FBXL20: variants seen among roughly 807,000 people sequenced by gnomAD.
The protein encoded by FBXL20 is F-box/LRR-repeat protein 20.
Under a neutral mutation model 64.0 loss-of-function variants are expected in FBXL20, and 11 were observed. The ratio of observed to expected loss-of-function variants is 0.17; its 90% confidence interval spans 0.11 to 0.28. FBXL20 has a LOEUF of 0.28. Ranked by LOEUF, FBXL20 falls within the 10% of genes least tolerant of loss-of-function variation. The pLI, the probability that FBXL20 is intolerant of heterozygous loss-of-function variation, is 1.00. For missense variants in FBXL20, 303 were observed against 526.2 expected, an observed-to-expected ratio of 0.58 and a Z score of 4.15; for synonymous variants, 184 against 189.0, an observed-to-expected ratio of 0.97 and a Z score of 0.22.
intron 2 of FBXL20, among the ~76,000 whole-genome samples, chr17:39,321,282 T>C (rs2047353499): frequency 6.6e-6 from 1 of 150,880 alleles, no homozygotes; most frequent in South Asian, 2.1e-4. Context: ...TAAAACCCCA[T>C]CTCTACTAAA....
intron 1 of FBXL20, among the ~76,000 whole-genome samples, chr17:39,370,002 A>C (rs989759522): frequency 6.6e-6 from 1 of 152,024 alleles, no homozygotes; most frequent in Non-Finnish European, 1.5e-5. Flanking sequence ...TGGGAGGCCA[A>C]GGCAGGAGGA....
chr17:39,312,059 G>A (rs531419819), intron 2 of FBXL20, among the ~76,000 whole-genome samples: 8 of 152,208 alleles, frequency 5.3e-5, no homozygotes, highest in East Asian at 1.9e-4. Flanking sequence ...GGATTTGAAC[G>A]TTTTAGAGCA....
chr17:39,348,327 GAC>G (rs2047653965), intron 1 of FBXL20, among the ~76,000 whole-genome samples: 1 of 152,172 alleles, frequency 6.6e-6, no homozygotes, highest in Non-Finnish European at 1.5e-5. Context: ...TGGGCATGGT[GAC>G]GCACACCTGT....
rs141629069 is a variant in FBXL20, at chr17:39,265,246, A to G, written c.990+151T>C. 567 of 579,378 alleles carry G rather than the reference A, an allele frequency of 9.8e-4. 1 individual carries two copies. Among genetic ancestry groups the G allele is most frequent in the African/African-American group, 9.4e-3 (494 of 52,472 alleles). The allele number at this position is 579,378 out of a possible 1,614,324, so 35.9% of individuals were successfully genotyped here. Reference sequence around the variant, plus strand: ...TTCTTATCTGTTTCCTACTTCACTCATGTACTCCTTTGGTTCTCAGTAAGC... The same window carrying G: ...TTCTTATCTGTTTCCTACTTCACTCGTGTACTCCTTTGGTTCTCAGTAAGC... On this transcript the variant is annotated intron_variant, in intron 13 of 14. Transcript: ENST00000264658.
intron 2 of FBXL20, among the ~76,000 whole-genome samples, chr17:39,322,202 G>A (rs1480886596): frequency 6.9e-6 from 1 of 145,956 alleles, no homozygotes; most frequent in Admixed American, 7.0e-5. Context: ...CATGCCCCAT[G>A]CTTAATTTCA....
intron 2 of FBXL20, among the ~76,000 whole-genome samples, chr17:39,312,191 C>T (rs927969602): frequency 2.6e-5 from 4 of 151,922 alleles, no homozygotes; most frequent in Non-Finnish European, 4.4e-5. Flanking sequence ...CCGAGGCAGG[C>T]GGATCACAAG....
intron 2 of FBXL20, among the ~76,000 whole-genome samples, chr17:39,329,716 G>T (rs1262065287): frequency 6.6e-6 from 1 of 152,144 alleles, no homozygotes; most frequent in Non-Finnish European, 1.5e-5. Context: ...AGGGAAAAAA[G>T]GTCGGGTATG....
chr17:39,344,448 A>G (rs2047612974), intron 1 of FBXL20, among the ~76,000 whole-genome samples: 1 of 152,128 alleles, frequency 6.6e-6, no homozygotes, highest in Non-Finnish European at 1.5e-5. Context: ...AACTTGGCTC[A>G]CATTTACTTG....
intron 6 of FBXL20, among the ~76,000 whole-genome samples, chr17:39,290,695 A>G (rs1288860511): frequency 6.6e-6 from 1 of 151,722 alleles, no homozygotes; most frequent in African/African-American, 2.4e-5. Context: ...CTCCGAGTAG[A>G]TAGGAACACA....
At chr17:39,363,064 C>G (rs1023841868) in intron 1 of FBXL20, among the ~76,000 whole-genome samples, 1 of 151,752 alleles carries the variant, frequency 6.6e-6, no homozygotes, top group African/African-American at 2.4e-5. Flanking sequence ...CAATGGCACG[C>G]GATCTCAGCT....
chr17:39,371,768 C>T (rs2047920786), intron 1 of FBXL20, among the ~76,000 whole-genome samples: 1 of 151,578 alleles, frequency 6.6e-6, no homozygotes, highest in African/African-American at 2.4e-5. Flanking sequence ...TCAAGTGATT[C>T]TCATGCCTTA....
rs549400822 is a variant in FBXL20 at position 39,301,914 on chromosome 17, T to A, written c.160-839A>T. ...AAAAAACAAAAAACAAGACTAACCC[T>A]CCCTCCCCCCGCCCACGCACACTTA... On this transcript the variant is annotated intron_variant, in intron 3 of 14. Coordinates refer to ENST00000264658, the MANE Select transcript of FBXL20 (RefSeq NM_032875.3). Among the ~76,000 whole-genome samples, 294 of 71,752 alleles carry A rather than the reference T, an allele frequency of 4.1e-3. 2 individuals are homozygous for A. The highest frequency in any genetic ancestry group is 0.014 in the African/African-American group (275 of 19,070). 47.1% of individuals were successfully genotyped at this position (71,752 alleles called of 152,430 possible).
At chr17:39,351,939 C>G (rs1730531860) in intron 1 of FBXL20, among the ~76,000 whole-genome samples, 1 of 152,132 alleles carries the variant, frequency 6.6e-6, no homozygotes, top group Non-Finnish European at 1.5e-5. Context: ...AATTGTTTTT[C>G]TATAACGTAC....
At chr17:39,354,503 A>ATT (rs1284280017) in intron 1 of FBXL20, among the ~76,000 whole-genome samples, 1 of 152,232 alleles carries the variant, frequency 6.6e-6, no homozygotes, top group Non-Finnish European at 1.5e-5. Flanking sequence ...TTACCAGACT[A>ATT]TAAGCTCTGA....
chr17:39,399,329 C>T (rs949168163), intron 1 of FBXL20, among the ~76,000 whole-genome samples: 3 of 152,056 alleles, frequency 2.0e-5, no homozygotes, highest in African/African-American at 4.8e-5. Flanking sequence ...GCTTTATTTA[C>T]GTATCTTTTA....
intron 2 of FBXL20, among the ~76,000 whole-genome samples, chr17:39,337,436 C>T (rs935654336): frequency 1.3e-5 from 2 of 151,928 alleles, no homozygotes; most frequent in Non-Finnish European, 2.9e-5. Context: ...AGCGTCTCTG[C>T]CTGGCAGCCC....
intron 5 of FBXL20, chr17:39,297,466 G>T (rs1597783003): frequency 4.6e-6 from 1 of 217,638 alleles, no homozygotes; most frequent in East Asian, 9.6e-5. Flanking sequence ...CAAAAACTGT[G>T]ATTACTTTTG....
At chr17:39,315,218 C>T (rs1029396878) in intron 2 of FBXL20, among the ~76,000 whole-genome samples, 3 of 151,916 alleles carry the variant, frequency 2.0e-5, no homozygotes, top group Non-Finnish European at 2.9e-5. Flanking sequence ...TTTTTGATTA[C>T]AGACATCCTA....
intron 1 of FBXL20, among the ~76,000 whole-genome samples, chr17:39,368,749 G>A (rs1034532020): frequency 4.6e-5 from 7 of 152,152 alleles, no homozygotes; most frequent in African/African-American, 1.2e-4. Flanking sequence ...TCTGCCTCCC[G>A]GGTTCAAGCT....
Sources: allele counts gnomAD v4.1 joint callset (sites outside exome capture counted in the v4.1 genomes callset), GRCh38; gene constraint gnomAD v4.1.1; transcripts MANE v1.5; gene names NCBI Gene and HGNC (gene_info 2026-07-23, HGNC 2026-07-21).